Variants in SGCD observed in about 807,000 individuals in gnomAD.
SGCD encodes the protein sarcoglycan delta.
A neutral mutation model predicts 36.6 loss-of-function variants in SGCD; 18 were observed. That is an observed-to-expected ratio of 0.49 (90% CI 0.34 to 0.73). The LOEUF (loss-of-function observed/expected upper bound fraction) is 0.73. Among genes scored for constraint, SGCD ranks in the 30% least tolerant of loss-of-function variants. The probability of loss-of-function intolerance (pLI) is 0.01; values close to 1 mark genes in which losing one functional copy is unlikely to be tolerated. For missense variants in SGCD, 387 were observed against 346.7 expected (o/e 1.12, Z -0.92); for synonymous variants, 133 against 130.6 (o/e 1.02, Z -0.12).
At chr5:156,146,539 A>G (rs1762713320) in intron 3 of SGCD, among the ~76,000 whole-genome samples, 1 of 152,218 alleles carries the variant, frequency 6.6e-6, no homozygotes, top group Admixed American at 6.5e-5. Flanking sequence ...AAACAAGACA[A>G]AGGTTTAGAC....
intron 3 of SGCD, among the ~76,000 whole-genome samples, chr5:156,243,600 G>A (rs1765359766): frequency 6.6e-6 from 1 of 152,180 alleles, no homozygotes; most frequent in South Asian, 2.1e-4. Flanking sequence ...TACTGAGATA[G>A]CACGGAAACA....
chr5:156,411,602 C>G (rs1772758912), intron 3 of SGCD, among the ~76,000 whole-genome samples: 1 of 152,166 alleles, frequency 6.6e-6, no homozygotes, highest in African/African-American at 2.4e-5. Context: ...GTTTCCTGTT[C>G]CATAAAGTGG....
chr5:155,972,116 GA>G (rs1326446683), intron 1 of SGCD, among the ~76,000 whole-genome samples: 1 of 152,086 alleles, frequency 6.6e-6, no homozygotes, highest in Non-Finnish European at 1.5e-5. Flanking sequence ...GCCTTTTAAA[GA>G]GAACAGATTA....
the SGCD span, among the ~76,000 whole-genome samples, chr5:155,786,453 C>T: frequency 6.6e-6 from 1 of 152,064 alleles, no homozygotes; most frequent in African/African-American, 2.4e-5. Context: ...CAGCCCCATT[C>T]CTGAAACAGT....
At chr5:155,854,496 A>T in the SGCD span, among the ~76,000 whole-genome samples, 1 of 152,108 alleles carries the variant, frequency 6.6e-6, no homozygotes, top group African/African-American at 2.4e-5. Context: ...TCTATGGAAA[A>T]TTTGCCTCGT....
chr5:156,186,287 C>A (rs1763758936), intron 3 of SGCD, among the ~76,000 whole-genome samples: 1 of 152,030 alleles, frequency 6.6e-6, no homozygotes, highest in South Asian at 2.1e-4. Context: ...GAGGTTGTGA[C>A]TGGTGGGTAG....
At chr5:155,946,584 A>G (rs1171198082) in intron 1 of SGCD, among the ~76,000 whole-genome samples, 1 of 152,170 alleles carries the variant, frequency 6.6e-6, no homozygotes, top group Non-Finnish European at 1.5e-5. Flanking sequence ...CTTCCTAGAG[A>G]TTTAAATAGT....
At chr5:156,188,574 A>G (rs1018127714) in intron 3 of SGCD, among the ~76,000 whole-genome samples, 1 of 151,998 alleles carries the variant, frequency 6.6e-6, no homozygotes, top group Non-Finnish European at 1.5e-5. Flanking sequence ...GGCCATTGGT[A>G]GTGTCTACTG....
chr5:156,678,252 A>C (rs1202089469), intron 7 of SGCD, among the ~76,000 whole-genome samples: 1 of 152,202 alleles, frequency 6.6e-6, no homozygotes, highest in African/African-American at 2.4e-5. Flanking sequence ...TAAGCTGTGA[A>C]ACAGTGCCCA....
chr5:156,367,850 T>C (rs577002828), intron 3 of SGCD, among the ~76,000 whole-genome samples: 4 of 152,338 alleles, frequency 2.6e-5, no homozygotes, highest in Admixed American at 2.0e-4. Flanking sequence ...TGACACAGCA[T>C]GAACATTGTG....
intron 4 of SGCD, among the ~76,000 whole-genome samples, chr5:156,542,853 A>G (rs2113157087): frequency 6.6e-6 from 1 of 152,294 alleles, no homozygotes; most frequent in South Asian, 2.1e-4. Context: ...GTATCACAGC[A>G]AATCAGGGGT....
At chr5:155,838,769 G>T in the SGCD span, among the ~76,000 whole-genome samples, 5 of 100,814 alleles carry the variant, frequency 5.0e-5, no homozygotes, top group African/African-American at 1.6e-4. Context: ...ATATTAAAGA[G>T]ATTTGCAAAA....
In SGCD at chr5:156,594,889, C is replaced by G. The variant is rs750944723; in HGVS notation, c.383-43C>G. On this transcript the variant is annotated intron_variant, in intron 5 of 8. Coordinates refer to ENST00000337851, the MANE Select transcript of SGCD (RefSeq NM_000337.6). ...CTAATGGTGTTTTCTCTCTCTCTCT[C>G]TCCTCTCTCCTCTCTATCTCTCTAT... 5 of 1,293,606 alleles carry G rather than the reference C, an allele frequency of 3.9e-6. No homozygotes were observed. The South Asian group carries it at 5.0e-5, about 13-fold the overall frequency. 80.1% of individuals were successfully genotyped at this position (1,293,606 alleles called of 1,614,324 possible).
the SGCD span, among the ~76,000 whole-genome samples, chr5:155,746,008 C>G: frequency 3.3e-5 from 5 of 152,280 alleles, no homozygotes; most frequent in Non-Finnish European, 7.3e-5. Context: ...TGCACATGTG[C>G]TGCAGTTGAC....
At chr5:156,471,757 A>G (rs1300680282) in intron 3 of SGCD, among the ~76,000 whole-genome samples, 1 of 152,102 alleles carries the variant, frequency 6.6e-6, no homozygotes, top group Non-Finnish European at 1.5e-5. Context: ...CTTAGGACAT[A>G]AAAAAGCACT....
At chr5:156,751,321 C>T (rs1757142600) in intron 7 of SGCD, among the ~76,000 whole-genome samples, 1 of 152,048 alleles carries the variant, frequency 6.6e-6, no homozygotes, top group Non-Finnish European at 1.5e-5. Flanking sequence ...AAATTAATAC[C>T]TGATGAATTA....
chr5:156,576,377 A>G (rs981789446), intron 4 of SGCD, among the ~76,000 whole-genome samples: 2 of 152,206 alleles, frequency 1.3e-5, no homozygotes, highest in African/African-American at 2.4e-5. Flanking sequence ...TAGTGCCGCA[A>G]TAAACATACA....
At position 156,647,644 on chromosome 5, in the gene SGCD, TAAATTGA is replaced by T. The variant is rs3832352; in HGVS notation, c.575+111_575+117del. On this transcript the variant is annotated intron_variant, in intron 7 of 8. Coordinates refer to ENST00000337851, the MANE Select transcript of SGCD (RefSeq NM_000337.6). ...TAATAAGTGTCACAGCGTGAATACA[TAAATTGA>T]AAGAGGTTGGAGAGAACCAGAAGAT... The T allele has an allele frequency of 0.89, 685,442 of 772,294 alleles. 304,982 individuals are homozygous for T. The highest frequency in any genetic ancestry group is 0.98 in the East Asian group (36,409 of 37,002). The allele number at this position is 772,294 out of a possible 1,614,324, so 47.8% of individuals were successfully genotyped here. A position where few individuals can be genotyped will look rare whatever the true frequency, so the allele number is the denominator to read the frequency against.
intron 3 of SGCD, among the ~76,000 whole-genome samples, chr5:156,437,522 T>G (rs1561694977): frequency 6.6e-6 from 1 of 152,148 alleles, no homozygotes; most frequent in Non-Finnish European, 1.5e-5. Flanking sequence ...AGGTAGAAAT[T>G]AAGGTTTCTT....
Sources: gnomAD v4.1 joint callset for allele counts (sites outside exome capture counted in the v4.1 genomes callset) on GRCh38, gnomAD v4.1.1 for gene constraint, MANE v1.5 for transcripts, NCBI Gene and HGNC (gene_info 2026-07-23, HGNC 2026-07-21) for gene names.